CSMD1: variants seen among roughly 807,000 people sequenced by gnomAD.
CSMD1 encodes the protein CUB and sushi domain-containing protein 1.
A neutral mutation model predicts 417.5 loss-of-function variants in CSMD1; 213 were observed. The observed-to-expected ratio is 0.51, with a 90% CI of 0.46 to 0.57. The LOEUF (loss-of-function observed/expected upper bound fraction) is 0.57, where lower values mean the gene tolerates loss of function less well. CSMD1 is among the 20% of genes least tolerant of loss of function. CSMD1 has a pLI of 0.00. For missense variants in CSMD1, 6,923 were observed against 4,529.7 expected, an observed-to-expected ratio of 1.53 and a Z score of -15.17; for synonymous variants, 2,862 against 1,736.8, an observed-to-expected ratio of 1.65 and a Z score of -16.11.
At chr8:4,736,542 C>T (rs149523682) in intron 1 of CSMD1, among the ~76,000 whole-genome samples, 50 of 152,160 alleles carry the variant, frequency 3.3e-4, no homozygotes, top group African/African-American at 9.9e-4. Flanking sequence ...ATGACAGCTG[C>T]GGGAAAACCC....
At chr8:4,083,469 C>T (rs1800249517) in intron 3 of CSMD1, among the ~76,000 whole-genome samples, 2 of 152,102 alleles carry the variant, frequency 1.3e-5, no homozygotes, top group African/African-American at 4.8e-5. Flanking sequence ...ACCAAAACAG[C>T]ATGGTACTGG....
chr8:3,601,964 C>A (rs1270395391), intron 8 of CSMD1, among the ~76,000 whole-genome samples: 4 of 152,046 alleles, frequency 2.6e-5, no homozygotes, highest in African/African-American at 9.7e-5. Flanking sequence ...ACAGGAAGTA[C>A]AATGGTGGCT....
chr8:4,192,475 A>C (rs77843625), intron 3 of CSMD1, among the ~76,000 whole-genome samples: 4,246 of 152,118 alleles, frequency 0.028, 215 homozygotes, highest in African/African-American at 0.097. Context: ...GGTAGCACTG[A>C]TGTTGACCAC....
At chr8:4,931,449 G>T (rs1807239909) in intron 1 of CSMD1, among the ~76,000 whole-genome samples, 1 of 151,986 alleles carries the variant, frequency 6.6e-6, no homozygotes, top group African/African-American at 2.4e-5. Flanking sequence ...AATTTCAAAC[G>T]CCCAGCCTGC....
At chr8:3,470,729 A>G (rs1031825294) in intron 11 of CSMD1, among the ~76,000 whole-genome samples, 2 of 152,092 alleles carry the variant, frequency 1.3e-5, no homozygotes, top group African/African-American at 2.4e-5. Flanking sequence ...ATCAGTATCC[A>G]TCTCTAAATT....
intron 6 of CSMD1, among the ~76,000 whole-genome samples, chr8:3,744,903 T>C (rs1489107613): frequency 3.9e-5 from 6 of 152,176 alleles, no homozygotes; most frequent in Non-Finnish European, 7.3e-5. Context: ...CTGAGCGCTT[T>C]AGTTGAGTGG....
chr8:3,350,779 T>C (rs536830027), intron 21 of CSMD1, among the ~76,000 whole-genome samples: 2 of 152,136 alleles, frequency 1.3e-5, no homozygotes, highest in African/African-American at 2.4e-5. Flanking sequence ...TTTGTATCCA[T>C]GTGAAGAAAA....
At chr8:3,691,302 G>A (rs564757637) in intron 7 of CSMD1, among the ~76,000 whole-genome samples, 3 of 152,180 alleles carry the variant, frequency 2.0e-5, no homozygotes, top group African/African-American at 4.8e-5. Context: ...GGGAGGCGGA[G>A]GTTGCAGTGA....
intron 7 of CSMD1, among the ~76,000 whole-genome samples, chr8:3,706,225 G>A (rs552266528): frequency 3.3e-5 from 5 of 152,314 alleles, no homozygotes; most frequent in East Asian, 3.9e-4. Flanking sequence ...TTGATTTATC[G>A]GAGTGACAAC....
chr8:3,092,329 T>C (rs1294363950), intron 47 of CSMD1, among the ~76,000 whole-genome samples: 1 of 152,050 alleles, frequency 6.6e-6, no homozygotes. Flanking sequence ...AATATATATT[T>C]AGAGATAAAT....
At chr8:3,683,309 A>C (rs1212214208) in intron 7 of CSMD1, among the ~76,000 whole-genome samples, 3 of 152,180 alleles carry the variant, frequency 2.0e-5, no homozygotes, top group Non-Finnish European at 4.4e-5. Context: ...TGGATCAGTC[A>C]AGGCAAAGTT....
At chr8:4,005,632 A>C (rs1816051698) in intron 4 of CSMD1, among the ~76,000 whole-genome samples, 1 of 152,244 alleles carries the variant, frequency 6.6e-6, no homozygotes, top group Non-Finnish European at 1.5e-5. Context: ...AATTGAGAGA[A>C]CATAGGGTGT....
In CSMD1 at chr8:3,187,923, G is replaced by C. The variant is rs1247299044; in HGVS notation, c.5566C>G (p.Leu1856Val). 8 of 1,613,328 alleles carry C rather than the reference G, an allele frequency of 5.0e-6. No homozygotes were observed. Among genetic ancestry groups the C allele is most frequent in the Non-Finnish European group, 6.8e-6 (8 of 1,179,762 alleles). Reference protein sequence around the residue: ...SFATEQNWDSLEIHDGGDVTA... With the variant: ...SFATEQNWDSVEIHDGGDVTA... ...ACATCCCCACCATCGTGGATCTCAA[G>C]GGAGTCCCAGTTCTGCTCCGTGGCA... Residue 1856 changes from leucine (L) to valine (V), a missense_variant, in exon 36 of 70, where the codon CTT becomes GTT. Leu to Val is a conservative substitution (Grantham distance 32). Transcript: ENST00000635120.
intron 1 of CSMD1, among the ~76,000 whole-genome samples, chr8:4,647,165 C>G (rs1339348211): frequency 6.6e-6 from 1 of 151,738 alleles, no homozygotes; most frequent in South Asian, 2.1e-4. Context: ...TCATATCCAT[C>G]TCTTTGGACA....
intron 3 of CSMD1, among the ~76,000 whole-genome samples, chr8:4,109,559 T>C (rs2130905995): frequency 6.6e-6 from 1 of 152,282 alleles, no homozygotes; most frequent in South Asian, 2.1e-4. Flanking sequence ...TTGACCATCA[T>C]TTCCCAGTCA....
At chr8:3,311,752 A>AAATT (rs1191495085) in intron 23 of CSMD1, among the ~76,000 whole-genome samples, 13 of 152,094 alleles carry the variant, frequency 8.5e-5, no homozygotes, top group Non-Finnish European at 1.6e-4. Context: ...TTTTGACAAT[A>AAATT]AATTATGTTC....
chr8:4,906,292 A>T (rs1805270952), intron 1 of CSMD1, among the ~76,000 whole-genome samples: 2 of 152,332 alleles, frequency 1.3e-5, no homozygotes, highest in South Asian at 4.1e-4. Context: ...CAAATACATT[A>T]TTCAGTTAAC....
intron 2 of CSMD1, among the ~76,000 whole-genome samples, chr8:4,498,950 A>C (rs372892367): frequency 2.0e-5 from 3 of 152,234 alleles, no homozygotes; most frequent in East Asian, 3.8e-4. Flanking sequence ...CAGTGGTTCT[A>C]TACAAACTGT....
intron 25 of CSMD1, 90 bp downstream of exon 25, chr8:3,307,605 C>G: frequency 7.3e-7 from 1 of 1,379,136 alleles, no homozygotes; most frequent in Non-Finnish European, 9.9e-7. Flanking sequence ...AAACTTTAAC[C>G]ATGGATATTT....
Sources: gnomAD v4.1 joint callset for allele counts (sites outside exome capture counted in the v4.1 genomes callset) on GRCh38, gnomAD v4.1.1 for gene constraint, MANE v1.5 for transcripts, NCBI Gene and HGNC (gene_info 2026-07-23, HGNC 2026-07-21) for gene names.